HMGCS2: variants seen among roughly 807,000 people sequenced by gnomAD.
The protein encoded by HMGCS2 is 3-hydroxy-3-methylglutaryl-CoA synthase 2.
A neutral mutation model predicts 57.4 loss-of-function variants in HMGCS2; 50 were observed. The ratio of observed to expected loss-of-function variants is 0.87; its 90% CI spans 0.69 to 1.10. HMGCS2 has a LOEUF of 1.10. Ranked by LOEUF, HMGCS2 falls within the 50% of genes least tolerant of loss-of-function variation. The pLI is 0.00. For synonymous variants in HMGCS2, 254 were observed against 245.1 expected (o/e 1.04, Z -0.34); for missense variants, 627 against 636.5 (o/e 0.99, Z 0.16).
Position 119,757,279 on chromosome 1 carries a change from G to T in HMGCS2, c.1010C>A (p.Ala337Asp). The T allele has an allele frequency of 6.2e-7, 1 of 1,614,182 alleles. No homozygotes were observed. Among genetic ancestry groups the T allele is most frequent in the Non-Finnish European group, 8.5e-7 (1 of 1,180,030 alleles). The change falls in exon 5 of 10, where the codon GCT (alanine) becomes GAT (aspartate). Residue 337 changes from alanine to aspartate, a missense_variant. Coordinates refer to ENST00000369406, the MANE Select transcript of HMGCS2 (RefSeq NM_005518.4). ...CCCCAAGAAGAGAACTCACCCGAAA[G>T]CCTCCAGCCCCTTATATAAGCTGGT... ...TQTSLYKGLE[A>D]FGGLKLEDTY...
rs138086607 is a variant in HMGCS2, at chr1:119,757,395, C to T, written c.894G>A (p.Met298Ile). 4.1e-5 allele frequency: 66 copies of T among 1,614,106 alleles called. No homozygotes were observed. The African/African-American group carries it at 6.1e-4, about 15-fold the overall frequency. ...TCTTGCAAAAGGGTGTATGAAAGAT[C>T]ATGTACTGTAAATCGTCAAGGGTGA... ...RPFTLDDLQY[M>I]IFHTPFCKMV... The change falls in exon 5 of 10, where the codon ATG becomes ATA. Residue 298 changes from methionine to isoleucine, a missense_variant. By Grantham distance (10) the Met-to-Ile change is conservative (BLOSUM62 1). Coordinates refer to ENST00000369406, the MANE Select transcript of HMGCS2 (RefSeq NM_005518.4).
At position 119,754,704 on chromosome 1, in the gene HMGCS2, T is replaced by C. The variant is rs115468452; in HGVS notation, c.1187+723A>G. ...AGGTGAGGTGCATTGAGGTTAAGTA[T>C]TATCCAAAGTCAACCCTAATAATTG... On this transcript the variant is annotated intron_variant, in intron 6 of 9. Transcript: ENST00000369406. Among the ~76,000 whole-genome samples, 934 of 152,272 alleles carry C rather than the reference T, an allele frequency of 6.1e-3. 14 individuals carry two copies. Among genetic ancestry groups the C allele is most frequent in the African/African-American group, 0.021 (893 of 41,560 alleles).
In HMGCS2 at chr1:119,764,526, C is replaced by T. The variant is rs1217700912; in HGVS notation, c.205G>A (p.Asp69Asn). ...LEVYFPAQYV[D>N]QTDLEKYNNV... ...TTATACTTCTCCAGGTCAGTTTGGTCCACATATTGGGCTGGGAAGTAGACC... is the reference window on the plus strand; with the variant it reads ...TTATACTTCTCCAGGTCAGTTTGGTTCACATATTGGGCTGGGAAGTAGACC... Residue 69 changes from aspartate to asparagine, a missense_variant, in exon 2 of 10, where the codon GAC becomes AAC. Transcript: ENST00000369406. 6.2e-7 allele frequency: 1 copy of T among 1,613,968 alleles called. No homozygotes were observed. Among genetic ancestry groups the T allele is most frequent in the South Asian group, 1.1e-5 (1 of 91,030 alleles).
rs769844821 is a variant in HMGCS2 at position 119,757,415 on chromosome 1, G to A, written c.874C>T (p.Leu292Phe). 1 of 1,614,102 alleles carries A rather than the reference G, an allele frequency of 6.2e-7. No homozygotes were observed. Among genetic ancestry groups the A allele is most frequent in the Non-Finnish European group, 8.5e-7 (1 of 1,179,954 alleles). The change falls in exon 5 of 10, where the codon CTT becomes TTT. Residue 292 changes from leucine (L) to phenylalanine (F), a missense_variant. By Grantham distance (22) the Leu-to-Phe change is conservative. Coordinates refer to ENST00000369406, the MANE Select transcript of HMGCS2 (RefSeq NM_005518.4). ...KQAGSDRPFT[L>F]DDLQYMIFHT... ...AAGATCATGTACTGTAAATCGTCAA[G>A]GGTGAAGGGTCGATCGCTGCCAGCT...
intron 1 of HMGCS2, among the ~76,000 whole-genome samples, chr1:119,766,550 A>T (rs1483621370): frequency 6.6e-6 from 1 of 152,232 alleles, no homozygotes; most frequent in Non-Finnish European, 1.5e-5. Flanking sequence ...TATATCTGAC[A>T]GGAGAGGTTT....
At chr1:119,753,747 A>C (rs982749781) in intron 6 of HMGCS2, among the ~76,000 whole-genome samples, 3 of 152,152 alleles carry the variant, frequency 2.0e-5, no homozygotes, top group Non-Finnish European at 4.4e-5. Context: ...CTCCAGATGG[A>C]GATCAGACCA....
chr1:119,748,897 C>G (rs1360986749), intron 9 of HMGCS2, 56 bp from the exon 10 acceptor site: 1 of 152,326 alleles, frequency 6.6e-6, no homozygotes, highest in Non-Finnish European at 1.5e-5. Context: ...ACCCTGCCCC[C>G]AGTACCTGCT....
chr1:119,750,073 C>T (rs2101243212), intron 9 of HMGCS2, among the ~76,000 whole-genome samples: 1 of 152,300 alleles, frequency 6.6e-6, no homozygotes, highest in African/African-American at 2.4e-5. Flanking sequence ...ATCCTTGTGT[C>T]CACGAATTTC....
At chr1:119,751,523 C>T (rs952003559) in intron 8 of HMGCS2, among the ~76,000 whole-genome samples, 2 of 151,442 alleles carry the variant, frequency 1.3e-5, no homozygotes, top group Non-Finnish European at 2.9e-5. Context: ...CCACCACACT[C>T]GGCTAATTTT....
At chr1:119,753,159 C>T (rs1303833404) in intron 7 of HMGCS2, 121 bp downstream of exon 7, 24 of 724,248 alleles carry the variant, frequency 3.3e-5, no homozygotes, top group Non-Finnish European at 5.3e-5. Context: ...CAGTGATTTA[C>T]TTTGCTATTA....
At chr1:119,758,612 A>C (rs981248658) in intron 4 of HMGCS2, among the ~76,000 whole-genome samples, 3 of 152,242 alleles carry the variant, frequency 2.0e-5, no homozygotes, top group Non-Finnish European at 4.4e-5. Flanking sequence ...TCAGGAGGGA[A>C]ATTCCAAAAC....
In HMGCS2 at chr1:119,748,007, T is replaced by C. The variant is rs1331730560; in HGVS notation, c.*840A>G. The C allele has an allele frequency of 6.6e-6, 1 of 152,262 alleles. No homozygotes were observed. Among genetic ancestry groups the C allele is most frequent in the East Asian group, 1.9e-4 (1 of 5,200 alleles). The allele number at this position is 152,262 out of a possible 1,614,324, so 9.4% of individuals were successfully genotyped here. ...TTTCCTGCCAGGCATCAAAATTTATTTATTTTTTTATTTTTGGCTATAGAA... is the reference window on the plus strand; with the variant it reads ...TTTCCTGCCAGGCATCAAAATTTATCTATTTTTTTATTTTTGGCTATAGAA... On this transcript the variant is annotated 3_prime_UTR_variant, in exon 10 of 10. Transcript: ENST00000369406.
chr1:119,757,928 A>G (rs1319322003), intron 4 of HMGCS2, among the ~76,000 whole-genome samples: 1 of 152,364 alleles, frequency 6.6e-6, no homozygotes, highest in East Asian at 1.9e-4. Context: ...ACATATGCAA[A>G]TAAGGAGTAA....
At chr1:119,760,995 A>T (rs1161477686) in intron 2 of HMGCS2, among the ~76,000 whole-genome samples, 1 of 151,972 alleles carries the variant, frequency 6.6e-6, no homozygotes, top group Admixed American at 6.6e-5. Context: ...AAATCCAGGG[A>T]CCTTCTCTTA....
intron 1 of HMGCS2, among the ~76,000 whole-genome samples, chr1:119,767,089 G>T (rs1369096157): frequency 2.0e-5 from 3 of 152,162 alleles, no homozygotes; most frequent in Admixed American, 1.3e-4. Context: ...CAGGCACTGT[G>T]CTGGGAAGGG....
intron 1 of HMGCS2, among the ~76,000 whole-genome samples, chr1:119,765,001 T>G (rs1199961038): frequency 6.6e-6 from 1 of 152,250 alleles, no homozygotes; most frequent in Non-Finnish European, 1.5e-5. Flanking sequence ...TAAAAAAATT[T>G]TAATAAGTCT....
At chr1:119,765,169 C>T (rs1228556428) in intron 1 of HMGCS2, among the ~76,000 whole-genome samples, 13 of 152,180 alleles carry the variant, frequency 8.5e-5, no homozygotes, top group African/African-American at 2.9e-4. Context: ...AGTGCAGTGG[C>T]GTGATCTCTG....
At chr1:119,756,747 A>G (rs969807657) in intron 5 of HMGCS2, among the ~76,000 whole-genome samples, 7 of 152,226 alleles carry the variant, frequency 4.6e-5, no homozygotes, top group African/African-American at 1.7e-4. Context: ...AAAGCAGGAC[A>G]TGAATTAAGA....
chr1:119,759,026 G>T, intron 4 of HMGCS2, 92 bp downstream of exon 4: 9 of 1,208,910 alleles, frequency 7.4e-6, no homozygotes, highest in Non-Finnish European at 1.1e-5. Context: ...TATTTTCAAG[G>T]CAGGAGAGAA....
Sources: allele counts gnomAD v4.1 joint callset (sites outside exome capture counted in the v4.1 genomes callset), GRCh38; gene constraint gnomAD v4.1.1; transcripts MANE v1.5; gene names NCBI Gene and HGNC (gene_info 2026-07-23, HGNC 2026-07-21).